ELMO3: variants seen among roughly 807,000 people sequenced by gnomAD.
ELMO3 encodes engulfment and cell motility protein 3.
ELMO3 carries 81 observed loss-of-function variants against 89.0 expected under a neutral mutation model. The ratio of observed to expected loss-of-function variants is 0.91; its 90% CI spans 0.76 to 1.09. The LOEUF is 1.09. Ranked by LOEUF, ELMO3 falls within the 50% of genes least tolerant of loss-of-function variation. The probability of loss-of-function intolerance (pLI) is 0.00; values close to 1 mark genes in which losing one functional copy is unlikely to be tolerated. For synonymous variants in ELMO3, 406 were observed against 400.6 expected (o/e 1.01, Z -0.16); for missense variants, 959 against 972.8 (o/e 0.99, Z 0.19).
chr16:67,201,085 G>A (rs1160166706), intron 8 of ELMO3, 117 bp downstream of exon 8: 32 of 1,174,812 alleles, frequency 2.7e-5, no homozygotes, highest in South Asian at 3.3e-5. Context: ...TTGCTCTGTC[G>A]CCCAGGCTGG....
Position 67,202,437 on chromosome 16 carries a change from C to T in ELMO3, c.1302C>T (p.Gly434=), listed in dbSNP as rs1472927417. The part of the protein sequence containing the change: ...TAQDFSPMFF[G]QDQSFHELFC... ...AGGACTTCTCACCCATGTTCTTCGG[C>T]CAAGACCAGAGCTTCCACGAGCTCT... The change falls in exon 14 of 20, where the codon GGC becomes GGT. Residue 434 remains glycine, a synonymous_variant. Transcript: ENST00000393997. The T allele has an allele frequency of 6.2e-7, 1 of 1,613,748 alleles. No individual in the cohort carries two copies. Among genetic ancestry groups the T allele is most frequent in the African/African-American group, 1.3e-5 (1 of 74,936 alleles).
Position 67,203,712 on chromosome 16 carries a change from G to C in ELMO3, c.1998G>C (p.Met666Ile). Residue 666 changes from methionine to isoleucine, a missense_variant, in exon 20 of 20, where the codon ATG (methionine) becomes ATC (isoleucine). Met to Ile is a conservative substitution (Grantham distance 10, BLOSUM62 1). Transcript: ENST00000393997. The surrounding 1 kb of genome is among the most constrained non-coding windows in gnomAD (Gnocchi z 4.6). ...TCAGTGCCTTGCTGGGCAGTCCCAT[G>C]GGCAGCGAGCAGACACGGCTGGACC... ...DGLSALLGSP[M>I]GSEQTRLDLE... 1 of 1,613,752 alleles carries C rather than the reference G, an allele frequency of 6.2e-7. No individual in the cohort carries two copies. The highest frequency in any genetic ancestry group is 1.7e-4 in the Middle Eastern group (1 of 6,054).
Position 67,201,829 on chromosome 16 carries a change from C to G in ELMO3, c.1006C>G (p.Arg336Gly). Residue 336 changes from arginine (R) to glycine (G), a missense_variant, in exon 11 of 20, where the codon CGC (arginine) becomes GGC (glycine). By Grantham distance (125) the Arg-to-Gly change is moderately radical. Coordinates refer to ENST00000393997, the MANE Select transcript of ELMO3 (RefSeq NM_024712.5). ...GGGTGCCGGGCTAAGTGCTGACCGTCGCCGTTCCCTCTGTGCCCGAGAGTT... is the reference window on the plus strand; with the variant it reads ...GGGTGCCGGGCTAAGTGCTGACCGTGGCCGTTCCCTCTGTGCCCGAGAGTT... Reference protein sequence around the residue: ...SSGAGLSADRRRSLCAREFRK... With the variant: ...SSGAGLSADRGRSLCAREFRK... The G allele has an allele frequency of 3.7e-6, 6 of 1,611,694 alleles. No individual in the cohort carries two copies. The highest frequency in any genetic ancestry group is 5.1e-6 in the Non-Finnish European group (6 of 1,179,850).
Position 67,203,028 on chromosome 16 carries a change from G to GGGCAGAGGGCA in ELMO3, c.1675+46_1675+56dup, listed in dbSNP as rs3830473. Reference sequence around the variant, plus strand: ...GGGTCTCTGAATGGGCATGGGCAGGGGGCAGAGGGCAGGCAGAGGGCAGGC... The same window carrying GGGCAGAGGGCA: ...GGGTCTCTGAATGGGCATGGGCAGGGGGCAGAGGGCAGGCAGAGGGCAGGCAGAGGGCAGGC... On this transcript the variant is annotated intron_variant, in intron 16 of 19. Transcript: ENST00000393997. The surrounding 1 kb of genome is among the most constrained non-coding windows in gnomAD (Gnocchi z 4.6). 14 of 1,602,998 alleles carry GGGCAGAGGGCA rather than the reference G, an allele frequency of 8.7e-6. No individual in the cohort carries two copies. In the East Asian group the frequency reaches 1.6e-4, roughly 18 times the overall value.
intron 4 of ELMO3, 34 bp from the exon 5 acceptor site, chr16:67,200,158 C>T (rs2033065379): frequency 2.5e-6 from 4 of 1,600,502 alleles, no homozygotes; most frequent in Non-Finnish European, 3.4e-6. Flanking sequence ...CATGCCCAGC[C>T]TCTTCACCTC....
chr16:67,202,686 G>A lies in ELMO3; in HGVS notation c.1458G>A (p.Leu486=), dbSNP rs2033144061. Residue 486 remains leucine (L), a synonymous_variant, in exon 15 of 20, where the codon CTG becomes CTA. Coordinates refer to ENST00000393997, the MANE Select transcript of ELMO3 (RefSeq NM_024712.5). ...ARTLALKPTS[L]ELFRTKVNAL... is the part of the protein sequence containing the mutation. ...CTCTGGCCCTGAAGCCCACTTCCCT[G>A]GAGCTCTTCCGAACCAAGGTGAATG... 6.2e-7 allele frequency: 1 copy of A among 1,613,622 alleles called. No homozygotes were observed. Among genetic ancestry groups the A allele is most frequent in the South Asian group, 1.1e-5 (1 of 91,086 alleles).
At chr16:67,201,055 T>C (rs190828625) in intron 8 of ELMO3, 87 bp downstream of exon 8, 46,754 of 1,414,198 alleles carry the variant, frequency 0.033, 1,179 homozygotes, top group South Asian at 0.07. Context: ...CCCCCTTTTT[T>C]TTTTTTTTGA....
Position 67,202,969 on chromosome 16 carries a change from C to T in ELMO3, c.1640C>T (p.Thr547Met), listed in dbSNP as rs145897231. 4.8e-3 allele frequency: 7,659 copies of T among 1,607,954 alleles called. 24 individuals are homozygous for T. Among genetic ancestry groups the T allele is most frequent in the Non-Finnish European group, 6.1e-3 (7,237 of 1,179,920 alleles). The change falls in exon 16 of 20, where the codon ACG (threonine) becomes ATG (methionine). Residue 547 changes from threonine to methionine, a missense_variant. Transcript: ENST00000393997. ...CGCTTGCTCCGCCTCTGTGAGGGGA[C>T]GCTCTTCCGCAAGATCAGCAGCCGG... is the stretch of plus-strand genomic sequence containing the variant. The part of the protein sequence containing the change: ...QQRLLRLCEG[T>M]LFRKISSRRR...
At position 67,199,200 on chromosome 16, in the gene ELMO3, C is replaced by A. The variant is rs1183505737; in HGVS notation, c.-127C>A. 8 of 1,610,548 alleles carry A rather than the reference C, an allele frequency of 5.0e-6. No individual in the cohort carries two copies. The highest frequency in any genetic ancestry group is 1.7e-4 in the Middle Eastern group (1 of 6,028). ...GGAGCAGCAGTCTGGGCCGCGAGTGCGGGACACCGAGGTCAGGTCTCGGAA... is the reference window on the plus strand; with the variant it reads ...GGAGCAGCAGTCTGGGCCGCGAGTGAGGGACACCGAGGTCAGGTCTCGGAA... On this transcript the variant is annotated 5_prime_UTR_variant, in exon 1 of 20. An upstream open reading frame in the 5' UTR gains an earlier in-frame stop. Transcript: ENST00000393997.
In ELMO3 at chr16:67,201,349, G is replaced by T. The variant is rs371349288; in HGVS notation, c.745-36G>T. On this transcript the variant is annotated intron_variant, in intron 8 of 19. Transcript: ENST00000393997. ...TGGGATTACAGGCGTGAGCCACCGC[G>T]CCCAGCCTAAGCCCCCTTTCTTTCT... is the stretch of plus-strand genomic sequence containing the variant. The T allele has an allele frequency of 1.5e-4, 237 of 1,610,290 alleles. No individual in the cohort carries two copies. In the East Asian group the frequency reaches 2.6e-3, roughly 17 times the overall value.
Position 67,200,898 on chromosome 16 carries a change from A to T in ELMO3, c.674A>T (p.Gln225Leu), listed in dbSNP as rs1023731824. ...CCCTCTTCTTGCCATAGGATGAACCAGCAGCTGCAAACCAAGGCCATGGCC... is the reference window on the plus strand; with the variant it reads ...CCCTCTTCTTGCCATAGGATGAACCTGCAGCTGCAAACCAAGGCCATGGCC... Reference protein sequence around the residue: ...RLLVHLQVMNQQLQTKAMALL... With the variant: ...RLLVHLQVMNLQLQTKAMALL... Residue 225 changes from glutamine to leucine, a missense_variant, in exon 8 of 20, where the codon CAG becomes CTG. Physicochemically the swap from Gln to Leu is moderately radical, Grantham distance 113. Coordinates refer to ENST00000393997, the MANE Select transcript of ELMO3 (RefSeq NM_024712.5). 5 of 1,613,588 alleles carry T rather than the reference A, an allele frequency of 3.1e-6. No individual in the cohort carries two copies. The Admixed American group carries it at 5.0e-5, about 16-fold the overall frequency.
Position 67,202,223 on chromosome 16 carries a change from T to G in ELMO3, c.1200T>G (p.Phe400Leu). The change falls in exon 13 of 20, where the codon TTT becomes TTG. Residue 400 changes from phenylalanine (F) to leucine (L), a missense_variant. Coordinates refer to ENST00000393997, the MANE Select transcript of ELMO3 (RefSeq NM_024712.5). ...GCGAGGACAAGCACGAGTGCCCCTT[T>G]GCCCGGGGCAGCATCCAGCTGACGG... ...SSREDKHECP[F>L]ARGSIQLTVL... The G allele has an allele frequency of 1.2e-6, 2 of 1,605,622 alleles. No individual in the cohort carries two copies. Among genetic ancestry groups the G allele is most frequent in the East Asian group, 4.5e-5 (2 of 44,700 alleles).
In ELMO3 at chr16:67,202,408, G is replaced by A; in HGVS notation, c.1273G>A (p.Ala425Thr). The A allele has an allele frequency of 4.3e-6, 7 of 1,613,886 alleles. No homozygotes were observed. Among genetic ancestry groups the A allele is most frequent in the Non-Finnish European group, 5.9e-6 (7 of 1,180,034 alleles). Residue 425 changes from alanine to threonine, a missense_variant, in exon 14 of 20, where the codon GCC becomes ACC. Transcript: ENST00000393997. ...LRVGEPCSET[A>T]QDFSPMFFGQ... ...CCCCCCCACTCCAGGCTCTGAGACA[G>A]CCCAGGACTTCTCACCCATGTTCTT...
Position 67,202,506 on chromosome 16 carries a change from G to A in ELMO3, c.1371G>A (p.Met457Ile). ...IQLLNKTWKE[M>I]RATQEDFDKV... is the part of the protein sequence containing the mutation. ...TGTTGAATAAGACCTGGAAGGAGATGCGGGCTACACAGGAGGACTTCGACA... is the reference window on the plus strand; with the variant it reads ...TGTTGAATAAGACCTGGAAGGAGATACGGGCTACACAGGAGGACTTCGACA... Residue 457 changes from methionine (M) to isoleucine (I), a missense_variant, in exon 14 of 20, where the codon ATG becomes ATA. Met to Ile is a conservative substitution (Grantham distance 10). Coordinates refer to ENST00000393997, the MANE Select transcript of ELMO3 (RefSeq NM_024712.5). 1 of 1,612,552 alleles carries A rather than the reference G, an allele frequency of 6.2e-7. No homozygotes were observed. The highest frequency in any genetic ancestry group is 8.5e-7 in the Non-Finnish European group (1 of 1,180,018).
At position 67,199,241 on chromosome 16, in the gene ELMO3, G is replaced by C; in HGVS notation, c.-86G>C. 1 of 1,611,370 alleles carries C rather than the reference G, an allele frequency of 6.2e-7. No individual in the cohort carries two copies. ...GGTCTCGGAAAGGGAGGACCTCCTC[G>C]TCCCCAGGGGCCCCAGGCCAGGTGC... On this transcript the variant is annotated 5_prime_UTR_variant, in exon 1 of 20. Coordinates refer to ENST00000393997, the MANE Select transcript of ELMO3 (RefSeq NM_024712.5).
At chr16:67,200,023 C>G in intron 4 of ELMO3, 22 bp downstream of exon 4, 1 of 1,612,774 alleles carries the variant, frequency 6.2e-7, no homozygotes, top group Non-Finnish European at 8.5e-7. Flanking sequence ...CCCGTCCCGC[C>G]TTCCCCATCC....
Position 67,201,794 on chromosome 16 carries a change from G to T in ELMO3, c.971G>T (p.Gly324Val). Reference protein sequence around the residue: ...VLRQAAFEVEGESSGAGLSAD... With the variant: ...VLRQAAFEVEVESSGAGLSAD... ...CGCCAGGCTGCCTTCGAGGTGGAGG[G>T]GGAGTCCTCGGGTGCCGGGCTAAGT... Residue 324 changes from glycine (G) to valine (V), a missense_variant, in exon 11 of 20, where the codon GGG (glycine) becomes GTG (valine). By Grantham distance (109) the Gly-to-Val change is moderately radical. Transcript: ENST00000393997. 6.2e-7 allele frequency: 1 copy of T among 1,611,960 alleles called. No homozygotes were observed.
intron 8 of ELMO3, 148 bp downstream of exon 8, chr16:67,201,116 G>A (rs1249516733): frequency 4.1e-6 from 4 of 985,782 alleles, no homozygotes; most frequent in Non-Finnish European, 5.8e-6. Context: ...TGCGATCTTG[G>A]CTCACTGCAA....
At position 67,199,700 on chromosome 16, in the gene ELMO3, T is replaced by G. The variant is rs1277490743; in HGVS notation, c.136T>G (p.Ser46Ala). ...EVCDAWSLTH[S>A]ERYALQFADG... ...GCCCCTCAGGTGGAGCCTGACGCACTCTGAGCGTTACGCCCTGCAGTTTGC... is the reference window on the plus strand; with the variant it reads ...GCCCCTCAGGTGGAGCCTGACGCACGCTGAGCGTTACGCCCTGCAGTTTGC... Residue 46 changes from serine to alanine, a missense_variant, in exon 3 of 20, where the codon TCT becomes GCT. By Grantham distance (99) the Ser-to-Ala change is moderately conservative. Coordinates refer to ENST00000393997, the MANE Select transcript of ELMO3 (RefSeq NM_024712.5). 6.2e-7 allele frequency: 1 copy of G among 1,610,812 alleles called. No homozygotes were observed. The highest frequency in any genetic ancestry group is 8.5e-7 in the Non-Finnish European group (1 of 1,179,860).
Sources: gnomAD v4.1 joint callset for allele counts on GRCh38, gnomAD v4.1.1 for gene constraint, Gnocchi (gnomAD v3.1) non-coding constraint, MANE v1.5 for transcripts, NCBI Gene and HGNC (gene_info 2026-07-23, HGNC 2026-07-21) for gene names.